The following GABRG2 variants were observed in gnomAD, a reference collection of about 807,000 sequenced individuals.
GABRG2 encodes gamma-aminobutyric acid type A receptor subunit gamma2.
In GABRG2, 16 loss-of-function variants were observed where a neutral mutation model predicts 56.4. That is an observed-to-expected ratio of 0.28 (90% CI 0.19 to 0.43). GABRG2 has a LOEUF of 0.43. Among genes scored for constraint, GABRG2 ranks in the 20% least tolerant of loss-of-function variants. GABRG2 has a pLI of 1.00. For missense variants in GABRG2, 327 were observed against 582.7 expected (o/e 0.56, Z 4.52); for synonymous variants, 208 against 205.5 (o/e 1.01, Z -0.10).
chr5:162,079,195 GACT>G (rs1453017881), intron 1 of GABRG2, among the ~76,000 whole-genome samples: 1 of 152,098 alleles, frequency 6.6e-6, no homozygotes, highest in Non-Finnish European at 1.5e-5. Context: ...CCTCTTGGGA[GACT>G]GACTTCCCTT....
In GABRG2 at chr5:162,149,145, C is replaced by A; in HGVS notation, c.960C>A (p.Thr320=). 1 of 1,614,014 alleles carries A rather than the reference C, an allele frequency of 6.2e-7. No homozygotes were observed. Among genetic ancestry groups the A allele is most frequent in the Non-Finnish European group, 8.5e-7 (1 of 1,179,942 alleles). The change falls in exon 8 of 10, where the codon ACC becomes ACA. Residue 320 remains threonine, a synonymous_variant. Transcript: ENST00000639213. ...TCCTGACAATGACCACCCTCAGCAC[C>A]ATTGCCCGGAAATCGCTCCCCAAGG... The part of the protein sequence containing the change: ...TTVLTMTTLS[T]IARKSLPKVS...
intron 2 of GABRG2, chr5:162,094,353 A>C: frequency 3.5e-6 from 1 of 287,140 alleles, no homozygotes; most frequent in Non-Finnish European, 6.7e-6. Context: ...TGTAACAAAC[A>C]ACCAGAAAAT....
chr5:162,070,112 T>C (rs958822961), intron 1 of GABRG2, among the ~76,000 whole-genome samples: 8 of 152,136 alleles, frequency 5.3e-5, no homozygotes, highest in African/African-American at 1.9e-4. Flanking sequence ...CAGCCCCACC[T>C]TTTCCATTTC....
intron 1 of GABRG2, among the ~76,000 whole-genome samples, chr5:162,080,715 C>T (rs1759588191): frequency 6.6e-6 from 1 of 152,024 alleles, no homozygotes; most frequent in Non-Finnish European, 1.5e-5. Flanking sequence ...TTTTACCTGC[C>T]AGTTTTCAGT....
intron 6 of GABRG2, among the ~76,000 whole-genome samples, chr5:162,127,345 C>A (rs1763407661): frequency 6.6e-6 from 1 of 151,888 alleles, no homozygotes; most frequent in Non-Finnish European, 1.5e-5. Context: ...AAACTAAGAT[C>A]ATTCTAGGTT....
rs188961052 is a variant in GABRG2, at chr5:162,140,795, C to T, written c.770-1369C>T. 2.0e-3 allele frequency among the ~76,000 whole-genome samples: 312 copies of T among 152,232 alleles called. 2 individuals are homozygous for T. The highest frequency in any genetic ancestry group is 7.1e-3 in the African/African-American group (296 of 41,530). On this transcript the variant is annotated intron_variant, in intron 6 of 9. Coordinates refer to ENST00000639213, the MANE Select transcript of GABRG2 (RefSeq NM_198904.4). The stretch of plus-strand genomic sequence containing the variant: ...AAGATGTAGTAACTGAGATGTGTTT[C>T]TCTAATATATTTTCTGATTTTAAAA...
intron 1 of GABRG2, among the ~76,000 whole-genome samples, chr5:162,084,029 T>C (rs1759862834): frequency 1.3e-5 from 2 of 151,818 alleles, no homozygotes; most frequent in Non-Finnish European, 3.0e-5. Context: ...ACCAGAACAA[T>C]GTAATCAAAT....
intron 6 of GABRG2, among the ~76,000 whole-genome samples, chr5:162,120,763 C>G (rs926764339): frequency 1.3e-5 from 2 of 152,082 alleles, no homozygotes; most frequent in African/African-American, 4.8e-5. Context: ...GAAAATGGCT[C>G]TGCAATTGCA....
chr5:162,083,909 G>C (rs1759853881), intron 1 of GABRG2, among the ~76,000 whole-genome samples: 2 of 151,718 alleles, frequency 1.3e-5, no homozygotes, highest in Non-Finnish European at 3.0e-5. Context: ...ATAAAACAAA[G>C]TATTTTTTCA....
chr5:162,143,263 A>G (rs915608441), intron 7 of GABRG2, among the ~76,000 whole-genome samples: 1 of 152,194 alleles, frequency 6.6e-6, no homozygotes, highest in African/African-American at 2.4e-5. Flanking sequence ...ATTCCCCACG[A>G]GTAATTATTG....
intron 6 of GABRG2, among the ~76,000 whole-genome samples, chr5:162,141,055 T>G (rs1185868293): frequency 6.6e-6 from 1 of 152,152 alleles, no homozygotes; most frequent in Non-Finnish European, 1.5e-5. Flanking sequence ...TTTCTTTTTT[T>G]AGAAGGAGTC....
At chr5:162,138,547 C>G (rs1764311430) in intron 6 of GABRG2, among the ~76,000 whole-genome samples, 1 of 152,072 alleles carries the variant, frequency 6.6e-6, no homozygotes, top group South Asian at 2.1e-4. Flanking sequence ...TAATACACTG[C>G]TCTATGCATA....
chr5:162,074,603 A>T (rs1361717033), intron 1 of GABRG2, among the ~76,000 whole-genome samples: 2 of 152,110 alleles, frequency 1.3e-5, no homozygotes, highest in Non-Finnish European at 2.9e-5. Flanking sequence ...TCTTGATAGG[A>T]AAAAATGATT....
intron 6 of GABRG2, among the ~76,000 whole-genome samples, chr5:162,121,873 G>T (rs1380012614): frequency 6.6e-6 from 1 of 151,958 alleles, no homozygotes; most frequent in Non-Finnish European, 1.5e-5. Flanking sequence ...AAGATCACGG[G>T]ATTATCATTT....
At chr5:162,073,096 C>G (rs1758804563) in intron 1 of GABRG2, among the ~76,000 whole-genome samples, 1 of 151,742 alleles carries the variant, frequency 6.6e-6, no homozygotes, top group South Asian at 2.1e-4. Flanking sequence ...ATAGAATCTA[C>G]AACAGATACT....
chr5:162,096,387 A>T (rs187473052), intron 3 of GABRG2, among the ~76,000 whole-genome samples: 45 of 152,254 alleles, frequency 3.0e-4, no homozygotes, highest in Non-Finnish European at 5.3e-4. Flanking sequence ...TTTTAGGAAT[A>T]ACAGTCCCCA....
chr5:162,087,952 G>A (rs1488470490), intron 1 of GABRG2, among the ~76,000 whole-genome samples: 4 of 152,120 alleles, frequency 2.6e-5, no homozygotes, highest in Admixed American at 6.6e-5. Context: ...TGTGAGGTGA[G>A]AAAGTAATTT....
chr5:162,104,849 G>C (rs1761684752), intron 6 of GABRG2, among the ~76,000 whole-genome samples: 1 of 151,992 alleles, frequency 6.6e-6, no homozygotes. Flanking sequence ...CCCTCTGTCG[G>C]GCAAGTTAGA....
intron 6 of GABRG2, 130 bp downstream of exon 6, chr5:162,104,156 TC>T: frequency 2.4e-6 from 2 of 837,078 alleles, no homozygotes; most frequent in Non-Finnish European, 3.9e-6. Flanking sequence ...GTTTTAACTT[TC>T]TAGAGAAAAT....
Sources: gnomAD v4.1 joint callset for allele counts (sites outside exome capture counted in the v4.1 genomes callset) on GRCh38, gnomAD v4.1.1 for gene constraint, MANE v1.5 for transcripts, NCBI Gene and HGNC (gene_info 2026-07-23, HGNC 2026-07-21) for gene names.